Variants in NYAP2 observed in about 807,000 individuals in gnomAD.
The protein encoded by NYAP2 is neuronal tyrosine-phosphorylated phosphoinositide-3-kinase adapter 2.
A neutral mutation model predicts 50.4 loss-of-function variants in NYAP2; 23 were observed. The observed-to-expected ratio is 0.46, with a 90% CI of 0.33 to 0.65. The LOEUF (loss-of-function observed/expected upper bound fraction) is 0.65, where lower values mean the gene tolerates loss of function less well. Ranked by LOEUF, NYAP2 falls within the 30% of genes least tolerant of loss-of-function variation. NYAP2 has a pLI of 0.02. For missense variants in NYAP2, 885 were observed against 861.0 expected (o/e 1.03, Z -0.35); for synonymous variants, 394 against 365.2 (o/e 1.08, Z -0.90).
At chr2:225,477,231 C>T (rs368915827) in intron 3 of NYAP2, among the ~76,000 whole-genome samples, 30 of 87,460 alleles carry the variant, frequency 3.4e-4, no homozygotes, top group South Asian at 9.6e-4. Flanking sequence ...GTCTCTATTT[C>T]TTTTTTTTTT....
chr2:225,455,976 G>A lies in NYAP2; in HGVS notation c.221+46875G>A, dbSNP rs114953793. Among the ~76,000 whole-genome samples the A allele has an allele frequency of 2.1e-3, 318 of 152,276 alleles. 1 individual carries two copies. The highest frequency in any genetic ancestry group is 7.4e-3 in the African/African-American group (306 of 41,562). Reference sequence around the variant, plus strand: ...CTCTTAATCAGGTATCATGTAAATAGTTCTGGGATTTCTAGAGGCACTGGT... The same window carrying A: ...CTCTTAATCAGGTATCATGTAAATAATTCTGGGATTTCTAGAGGCACTGGT... On this transcript the variant is annotated intron_variant, in intron 3 of 6. Transcript: ENST00000636099.
intron 3 of NYAP2, among the ~76,000 whole-genome samples, chr2:225,486,553 A>G (rs763171383): frequency 2.0e-5 from 3 of 152,156 alleles, no homozygotes; most frequent in Non-Finnish European, 4.4e-5. Context: ...TCTGCTTCCA[A>G]ATCCCACTGA....
chr2:225,543,367 C>A (rs1029598227), intron 4 of NYAP2, among the ~76,000 whole-genome samples: 24 of 151,244 alleles, frequency 1.6e-4, no homozygotes, highest in Non-Finnish European at 1.6e-4. Context: ...TGAAGTTTTT[C>A]TTTTTCTTTG....
chr2:225,500,706 A>G (rs1690589675), intron 3 of NYAP2, among the ~76,000 whole-genome samples: 1 of 152,226 alleles, frequency 6.6e-6, no homozygotes, highest in Non-Finnish European at 1.5e-5. Context: ...CAGAGCTGAC[A>G]TGAAAACTTT....
intron 3 of NYAP2, among the ~76,000 whole-genome samples, chr2:225,437,098 A>G (rs1689391569): frequency 6.6e-6 from 1 of 152,110 alleles, no homozygotes; most frequent in African/African-American, 2.4e-5. Context: ...ATATATGTAT[A>G]TATAGCACCC....
intron 5 of NYAP2, among the ~76,000 whole-genome samples, chr2:225,599,645 C>G (rs761245088): frequency 1.3e-5 from 2 of 152,168 alleles, no homozygotes; most frequent in African/African-American, 2.4e-5. Context: ...TTCCAGCACA[C>G]TAAGCTAAAG....
chr2:225,479,891 G>A (rs1451898166), intron 3 of NYAP2, among the ~76,000 whole-genome samples: 6 of 151,922 alleles, frequency 3.9e-5, no homozygotes, highest in Non-Finnish European at 8.8e-5. Context: ...CTTTCTTAAT[G>A]CAAAATAGTA....
At chr2:225,688,511 C>T in the NYAP2 span, among the ~76,000 whole-genome samples, 1 of 152,024 alleles carries the variant, frequency 6.6e-6, no homozygotes, top group East Asian at 1.9e-4. Flanking sequence ...TCATTGTCTA[C>T]TGGGGTAGAA....
At chr2:225,409,209 T>C (rs1249414456) in intron 3 of NYAP2, 108 bp downstream of exon 3, 1 of 778,090 alleles carries the variant, frequency 1.3e-6, no homozygotes, top group Non-Finnish European at 2.0e-6. Flanking sequence ...CCAGAGTCAG[T>C]TAGACTTGGT....
intron 5 of NYAP2, among the ~76,000 whole-genome samples, chr2:225,604,020 A>G (rs1692742676): frequency 6.6e-6 from 1 of 152,226 alleles, no homozygotes; most frequent in African/African-American, 2.4e-5. Context: ...ATCAGAAATA[A>G]GGAATAACAT....
chr2:225,537,021 G>A (rs1168778259), intron 4 of NYAP2, among the ~76,000 whole-genome samples: 1 of 151,824 alleles, frequency 6.6e-6, no homozygotes, highest in Admixed American at 6.6e-5. Flanking sequence ...CTTGTGATCC[G>A]CTCGCCTCGG....
At chr2:225,500,376 T>C (rs771312238) in intron 3 of NYAP2, among the ~76,000 whole-genome samples, 1 of 152,230 alleles carries the variant, frequency 6.6e-6, no homozygotes, top group Non-Finnish European at 1.5e-5. Context: ...TTTATTTTGC[T>C]TCCTTGGTAG....
At chr2:225,643,079 C>A (rs77348304) in intron 6 of NYAP2, among the ~76,000 whole-genome samples, 3 of 152,074 alleles carry the variant, frequency 2.0e-5, no homozygotes, top group Non-Finnish European at 4.4e-5. Context: ...TCAAGAGTAT[C>A]TTTGAGGTCA....
the NYAP2 span, chr2:225,699,406 G>A: frequency 6.6e-6 from 1 of 151,918 alleles, no homozygotes; most frequent in South Asian, 2.1e-4. Flanking sequence ...GGAATTAATA[G>A]CTCAAGAGCA....
At chr2:225,661,668 A>G in the NYAP2 span, among the ~76,000 whole-genome samples, 2 of 152,082 alleles carry the variant, frequency 1.3e-5, no homozygotes, top group Non-Finnish European at 2.9e-5. Context: ...CTATCTATCA[A>G]ACCCCTGCTT....
At chr2:225,535,149 T>C (rs1691325618) in intron 4 of NYAP2, among the ~76,000 whole-genome samples, 1 of 152,184 alleles carries the variant, frequency 6.6e-6, no homozygotes, top group African/African-American at 2.4e-5. Flanking sequence ...CAGCTGAGCA[T>C]GGAGAAGCCA....
intron 3 of NYAP2, among the ~76,000 whole-genome samples, chr2:225,462,737 T>A (rs955623167): frequency 1.2e-4 from 18 of 152,176 alleles, no homozygotes; most frequent in African/African-American, 4.3e-4. Context: ...TAATACTGAG[T>A]TCTAGTCAGA....
At chr2:225,609,649 A>G (rs530768141) in intron 5 of NYAP2, among the ~76,000 whole-genome samples, 69 of 152,240 alleles carry the variant, frequency 4.5e-4, no homozygotes, top group African/African-American at 1.5e-3. Context: ...ACAGGATGAG[A>G]ATCAGAGTGA....
intron 5 of NYAP2, among the ~76,000 whole-genome samples, chr2:225,600,926 T>A (rs1332487488): frequency 6.6e-6 from 1 of 152,194 alleles, no homozygotes; most frequent in Non-Finnish European, 1.5e-5. Context: ...GTTTTAGGGA[T>A]ATACCACATT....
Sources: allele counts gnomAD v4.1 joint callset (sites outside exome capture counted in the v4.1 genomes callset), GRCh38; gene constraint gnomAD v4.1.1; transcripts MANE v1.5; gene names NCBI Gene and HGNC (gene_info 2026-07-23, HGNC 2026-07-21).